The following DLGAP1 variants were observed in gnomAD, a reference collection of about 807,000 sequenced individuals.
DLGAP1 encodes the protein disks large-associated protein 1.
DLGAP1 carries 11 observed loss-of-function variants against 90.8 expected under a neutral mutation model. That is an observed-to-expected ratio of 0.12 (90% CI 0.08 to 0.20). DLGAP1 has a LOEUF of 0.20. Among genes scored for constraint, DLGAP1 ranks in the 10% least tolerant of loss-of-function variants. The pLI is 1.00. For missense variants in DLGAP1, 1,050 were observed against 1,333.8 expected, an observed-to-expected ratio of 0.79 and a Z score of 3.31; for synonymous variants, 558 against 540.7, an observed-to-expected ratio of 1.03 and a Z score of -0.44.
At position 4,035,129 on chromosome 18, in the gene DLGAP1, A is replaced by G. The variant is rs574423592; in HGVS notation, c.-158-29928T>C. ...TCTTTGCTATTGTGAATAGTGCCGC[A>G]ATAAACATACACGTGCATGTGTCTT... is the stretch of plus-strand genomic sequence containing the variant. On this transcript the variant is annotated intron_variant, in intron 2 of 12. Coordinates refer to ENST00000315677, the MANE Select transcript of DLGAP1 (RefSeq NM_004746.4). 3.9e-5 allele frequency among the ~76,000 whole-genome samples: 6 copies of G among 152,334 alleles called. No homozygotes were observed. In the South Asian group the frequency reaches 1.2e-3, roughly 32 times the overall value.
At position 3,729,286 on chromosome 18, in the gene DLGAP1, G is replaced by A. The variant is rs1383863684; in HGVS notation, c.1440C>T (p.Asp480=). ...TGCGGAAGCAGCCGGGCATGGGCAG[G>A]TCCAGCGCTTCCACGGCCTGCGACT... The part of the protein sequence containing the change: ...ELESQAVEAL[D]LPMPGCFRMR... Residue 480 remains aspartate, a synonymous_variant, in exon 7 of 13, where the codon GAC becomes GAT. Transcript: ENST00000315677. The surrounding 1 kb of genome is among the most constrained non-coding windows in gnomAD (Gnocchi z 6.2). 3.7e-6 allele frequency: 6 copies of A among 1,614,114 alleles called. No individual in the cohort carries two copies. Among genetic ancestry groups the A allele is most frequent in the African/African-American group, 1.3e-5 (1 of 75,056 alleles).
intron 1 of DLGAP1, among the ~76,000 whole-genome samples, chr18:4,243,719 C>T (rs2078593518): frequency 6.6e-6 from 1 of 152,084 alleles, no homozygotes; most frequent in Non-Finnish European, 1.5e-5. Flanking sequence ...GGGATATCTC[C>T]TTGGCATCAG....
intron 10 of DLGAP1, among the ~76,000 whole-genome samples, chr18:3,518,149 A>G: frequency 6.6e-6 from 1 of 152,208 alleles, no homozygotes; most frequent in East Asian, 1.9e-4. Context: ...TCATTTGAAC[A>G]CATAGAGGCC....
At chr18:4,398,145 C>T (rs1485197018) in intron 1 of DLGAP1, among the ~76,000 whole-genome samples, 3 of 152,026 alleles carry the variant, frequency 2.0e-5, no homozygotes, top group African/African-American at 7.2e-5. Flanking sequence ...GTGTTCAGAG[C>T]CACAGGCCAC....
At position 3,759,901 on chromosome 18, in the gene DLGAP1, T is replaced by C. The variant is rs528620695; in HGVS notation, c.1173-17389A>G. Reference sequence around the variant, plus strand: ...CATAGTCATTCCAGATCCAGGGAGCTGCAAGGGCAAAAACCTGGAGGCAGA... The same window carrying C: ...CATAGTCATTCCAGATCCAGGGAGCCGCAAGGGCAAAAACCTGGAGGCAGA... On this transcript the variant is annotated intron_variant, in intron 5 of 12. Coordinates refer to ENST00000315677, the MANE Select transcript of DLGAP1 (RefSeq NM_004746.4). 3.3e-5 allele frequency among the ~76,000 whole-genome samples: 5 copies of C among 152,294 alleles called. No individual in the cohort carries two copies. The East Asian group carries it at 9.6e-4, about 29-fold the overall frequency.
chr18:4,243,095 G>A (rs2078578593), intron 1 of DLGAP1, among the ~76,000 whole-genome samples: 1 of 152,134 alleles, frequency 6.6e-6, no homozygotes, highest in Admixed American at 6.5e-5. Context: ...TGTGTTGTGA[G>A]GCTTGTGCCT....
intron 7 of DLGAP1, among the ~76,000 whole-genome samples, chr18:3,704,899 G>A (rs991639403): frequency 6.6e-6 from 1 of 152,170 alleles, no homozygotes; most frequent in South Asian, 2.1e-4. Context: ...AGTATTTAAT[G>A]CCTTTTGGAT....
At chr18:3,576,566 CTTTT>C (rs558651034) in intron 8 of DLGAP1, among the ~76,000 whole-genome samples, 8 of 135,924 alleles carry the variant, frequency 5.9e-5, no homozygotes, top group Non-Finnish European at 1.6e-5. Context: ...GCTCCAGCTC[CTTTT>C]TTTTTTTTTT....
At chr18:3,845,897 GA>G (rs2068982402) in intron 4 of DLGAP1, among the ~76,000 whole-genome samples, 1 of 152,154 alleles carries the variant, frequency 6.6e-6, no homozygotes, top group African/African-American at 2.4e-5. Context: ...CTCTTTTAGA[GA>G]AAAATTAAGT....
At chr18:4,327,842 G>A (rs1236549452) in intron 1 of DLGAP1, among the ~76,000 whole-genome samples, 1 of 151,888 alleles carries the variant, frequency 6.6e-6, no homozygotes, top group Non-Finnish European at 1.5e-5. Context: ...GGGATGCAAT[G>A]TTTGTGTTTT....
At chr18:3,570,946 T>TAA (rs1599301141) in intron 8 of DLGAP1, among the ~76,000 whole-genome samples, 1 of 139,218 alleles carries the variant, frequency 7.2e-6, no homozygotes, top group East Asian at 2.5e-4. Flanking sequence ...AAAAAAAAGG[T>TAA]AATTTAAAAA....
At chr18:3,735,784 T>G (rs1598508401) in intron 6 of DLGAP1, among the ~76,000 whole-genome samples, 1 of 152,350 alleles carries the variant, frequency 6.6e-6, no homozygotes, top group East Asian at 1.9e-4. Flanking sequence ...TTTCTACTGT[T>G]AATACTACTA....
At chr18:4,189,976 A>T (rs1368229569) in intron 1 of DLGAP1, among the ~76,000 whole-genome samples, 2 of 152,138 alleles carry the variant, frequency 1.3e-5, no homozygotes, top group Non-Finnish European at 2.9e-5. Flanking sequence ...ACTTTAGAAG[A>T]CAGCCTAGCA....
At chr18:3,613,139 T>G (rs1006524933) in intron 7 of DLGAP1, among the ~76,000 whole-genome samples, 4 of 152,104 alleles carry the variant, frequency 2.6e-5, no homozygotes, top group Non-Finnish European at 5.9e-5. Flanking sequence ...CGCCTGGCCT[T>G]TTAGTCCATT....
intron 3 of DLGAP1, among the ~76,000 whole-genome samples, chr18:3,911,499 G>A (rs538688560): frequency 6.6e-6 from 1 of 152,140 alleles, no homozygotes; most frequent in African/African-American, 2.4e-5. Flanking sequence ...TCAGTAGATG[G>A]ATTAGAACAT....
intron 7 of DLGAP1, among the ~76,000 whole-genome samples, chr18:3,714,292 T>C (rs953017224): frequency 1.3e-5 from 2 of 152,184 alleles, no homozygotes; most frequent in Admixed American, 6.5e-5. Context: ...AAGAGTCGTT[T>C]TTGGAAAGAA....
intron 1 of DLGAP1, among the ~76,000 whole-genome samples, chr18:4,247,291 T>C (rs2078672026): frequency 6.6e-6 from 1 of 152,184 alleles, no homozygotes; most frequent in African/African-American, 2.4e-5. Flanking sequence ...GACATTATAC[T>C]CTTATTCCCA....
At chr18:4,442,808 A>G (rs1169932824) in intron 1 of DLGAP1, among the ~76,000 whole-genome samples, 2 of 152,242 alleles carry the variant, frequency 1.3e-5, no homozygotes, top group Non-Finnish European at 2.9e-5. Flanking sequence ...ACTCTAAAAG[A>G]AACGCATTAT....
chr18:4,048,759 A>G (rs1035155320), intron 2 of DLGAP1, among the ~76,000 whole-genome samples: 1 of 152,210 alleles, frequency 6.6e-6, no homozygotes, highest in Non-Finnish European at 1.5e-5. Context: ...AGCAGTAGAA[A>G]AAGGCTGCTT....
Sources: allele counts gnomAD v4.1 joint callset (sites outside exome capture counted in the v4.1 genomes callset), GRCh38; gene constraint gnomAD v4.1.1; non-coding constraint Gnocchi (gnomAD v3.1); transcripts MANE v1.5; gene names NCBI Gene and HGNC (gene_info 2026-07-23, HGNC 2026-07-21).